The following MCPH1 variants were observed in gnomAD, a reference collection of about 807,000 sequenced individuals.
MCPH1 encodes the protein microcephalin 1.
A neutral mutation model predicts 84.5 loss-of-function variants in MCPH1; 104 were observed. The ratio of observed to expected loss-of-function variants is 1.23; its 90% CI spans 1.05 to 1.45. The LOEUF is 1.45. MCPH1 is among the 40% of genes most tolerant of loss of function. The pLI is 0.00. For missense variants in MCPH1, 1,498 were observed against 1,005.7 expected (o/e 1.49, Z -6.62); for synonymous variants, 514 against 366.8 (o/e 1.40, Z -4.58).
intron 12 of MCPH1, among the ~76,000 whole-genome samples, chr8:6,547,128 C>G (rs1341769970): frequency 6.6e-6 from 1 of 151,850 alleles, no homozygotes; most frequent in East Asian, 1.9e-4. Flanking sequence ...CTCATGTGGC[C>G]TATTTCTGCT....
Position 6,479,463 on chromosome 8 carries a change from C to T in MCPH1, c.1974-1251C>T, listed in dbSNP as rs973582809. Among the ~76,000 whole-genome samples, 10 of 150,522 alleles carry T rather than the reference C, an allele frequency of 6.6e-5. No individual in the cohort carries two copies. The East Asian group carries it at 1.8e-3, about 26-fold the overall frequency. On this transcript the variant is annotated intron_variant, in intron 10 of 13. Transcript: ENST00000344683. The stretch of plus-strand genomic sequence containing the variant: ...TTATTTATTTATTTTGAGACAGAGT[C>T]TCCCTCTGTCACCCAGGCTGGAGTG...
At chr8:6,422,373 A>T (rs1258197467) in intron 3 of MCPH1, among the ~76,000 whole-genome samples, 1 of 152,238 alleles carries the variant, frequency 6.6e-6, no homozygotes, top group African/African-American at 2.4e-5. Flanking sequence ...TCGTATAGAA[A>T]TGTGGAGGGG....
intron 12 of MCPH1, among the ~76,000 whole-genome samples, chr8:6,566,811 C>T (rs1385683703): frequency 7.4e-6 from 1 of 135,626 alleles, no homozygotes; most frequent in Non-Finnish European, 1.6e-5. Context: ...CGTGTGTGAT[C>T]CGCAAGGCCA....
intron 12 of MCPH1, among the ~76,000 whole-genome samples, chr8:6,545,742 G>C (rs1364810669): frequency 6.6e-6 from 1 of 152,190 alleles, no homozygotes; most frequent in East Asian, 1.9e-4. Flanking sequence ...GATTTTGTTG[G>C]ATTTCAGTGG....
chr8:6,465,912 A>G (rs889667251), intron 9 of MCPH1, among the ~76,000 whole-genome samples: 5 of 132,114 alleles, frequency 3.8e-5, no homozygotes, highest in South Asian at 2.6e-4. Flanking sequence ...TTCCTACTCA[A>G]TTTTATCTAT....
intron 11 of MCPH1, among the ~76,000 whole-genome samples, chr8:6,490,502 C>G (rs918284103): frequency 4.6e-5 from 7 of 152,112 alleles, no homozygotes; most frequent in Non-Finnish European, 1.0e-4. Flanking sequence ...TGTAAGCACC[C>G]TCTGTGAATT....
chr8:6,489,440 T>C (rs566375379), intron 11 of MCPH1, among the ~76,000 whole-genome samples: 2 of 152,090 alleles, frequency 1.3e-5, no homozygotes, highest in Non-Finnish European at 2.9e-5. Flanking sequence ...TGAGTGCTGC[T>C]GGAAGGTGAA....
intron 12 of MCPH1, chr8:6,503,025 C>T: frequency 1.3e-6 from 2 of 1,558,314 alleles, no homozygotes; most frequent in South Asian, 1.2e-5. Flanking sequence ...ACACAGTGCG[C>T]AGCCGTGACT....
chr8:6,414,445 G>T (rs1798969848), intron 2 of MCPH1, among the ~76,000 whole-genome samples: 1 of 152,182 alleles, frequency 6.6e-6, no homozygotes, highest in African/African-American at 2.4e-5. Context: ...ATTATTATCT[G>T]ACTCTTTCCA....
intron 13 of MCPH1, among the ~76,000 whole-genome samples, chr8:6,639,554 T>A (rs1486905992): frequency 6.6e-6 from 1 of 151,700 alleles, no homozygotes; most frequent in Non-Finnish European, 1.5e-5. Context: ...TCCTAGCTAC[T>A]CAGGACGTCA....
rs1828305694 is a variant in MCPH1, at chr8:6,589,953, A to G, written c.2215-31501A>G. On this transcript the variant is annotated intron_variant, in intron 12 of 13. Transcript: ENST00000344683. ...ATTCATAAAAGACTAGTTTTACTCT[A>G]AAGTATCTAAAAGACATGCATTAAA... Among the ~76,000 whole-genome samples the G allele has an allele frequency of 2.0e-5, 3 of 152,346 alleles. No homozygotes were observed. In the South Asian group the frequency reaches 6.2e-4, roughly 32 times the overall value.
intron 12 of MCPH1, among the ~76,000 whole-genome samples, chr8:6,556,895 A>G (rs1409452127): frequency 2.6e-5 from 4 of 152,120 alleles, no homozygotes; most frequent in South Asian, 2.1e-4. Flanking sequence ...GGCTTTAGGC[A>G]TTTTCTTCCC....
At chr8:6,469,161 G>C (rs1345614010) in intron 9 of MCPH1, among the ~76,000 whole-genome samples, 4 of 152,176 alleles carry the variant, frequency 2.6e-5, no homozygotes, top group African/African-American at 9.7e-5. Context: ...GCCTGGGCAA[G>C]AGTGAGACCC....
chr8:6,603,066 C>T (rs1273506669), intron 12 of MCPH1, among the ~76,000 whole-genome samples: 2 of 151,892 alleles, frequency 1.3e-5, no homozygotes, highest in Non-Finnish European at 2.9e-5. Flanking sequence ...TGCCATTCTC[C>T]CCCAAACACT....
At chr8:6,421,751 C>T (rs1011337020) in intron 3 of MCPH1, among the ~76,000 whole-genome samples, 1 of 152,152 alleles carries the variant, frequency 6.6e-6, no homozygotes, top group East Asian at 1.9e-4. Context: ...ACTACTTTCC[C>T]CTTTACAGAA....
chr8:6,502,402 G>A (rs2129563162), intron 12 of MCPH1: 1 of 152,238 alleles, frequency 6.6e-6, no homozygotes, highest in East Asian at 1.9e-4. Context: ...CGTTTCTGTT[G>A]ATAATTTCAG....
intron 12 of MCPH1, among the ~76,000 whole-genome samples, chr8:6,506,612 C>T (rs1387283024): frequency 6.6e-6 from 1 of 152,052 alleles, no homozygotes; most frequent in African/African-American, 2.4e-5. Flanking sequence ...CTGACCCTTT[C>T]CCTGCTGTTC....
intron 12 of MCPH1, among the ~76,000 whole-genome samples, chr8:6,586,942 CAG>C (rs1828032564): frequency 6.6e-6 from 1 of 152,178 alleles, no homozygotes; most frequent in South Asian, 2.1e-4. Flanking sequence ...GCTCTGCTAA[CAG>C]AGTGCAGGCT....
chr8:6,499,684 A>C (rs957176730), intron 11 of MCPH1, 168 bp from the exon 12 acceptor site: 1 of 607,154 alleles, frequency 1.6e-6, no homozygotes, highest in Non-Finnish European at 2.9e-6. Context: ...AATATTCATA[A>C]CATTTATGCA....
Sources: gnomAD v4.1 joint callset for allele counts (sites outside exome capture counted in the v4.1 genomes callset) on GRCh38, gnomAD v4.1.1 for gene constraint, MANE v1.5 for transcripts, NCBI Gene and HGNC (gene_info 2026-07-23, HGNC 2026-07-21) for gene names.